The following TASP1 variants were observed in gnomAD, a reference collection of about 807,000 sequenced individuals.
TASP1 encodes the protein threonine aspartase 1.
In TASP1, 16 loss-of-function variants were observed where a neutral mutation model predicts 56.6. That is an observed-to-expected ratio of 0.28 (90% CI 0.19 to 0.43). TASP1 has a LOEUF of 0.43. Ranked by LOEUF, TASP1 falls within the 20% of genes least tolerant of loss-of-function variation. The probability of loss-of-function intolerance (pLI) is 1.00; values close to 1 mark genes in which losing one functional copy is unlikely to be tolerated. For missense variants in TASP1, 393 were observed against 511.6 expected (o/e 0.77, Z 2.24); for synonymous variants, 179 against 184.2 (o/e 0.97, Z 0.23).
At chr20:13,192,757 C>G in the TASP1 span, among the ~76,000 whole-genome samples, 3 of 149,932 alleles carry the variant, frequency 2.0e-5, no homozygotes, top group Non-Finnish European at 4.4e-5. Flanking sequence ...GAGAAAGGGT[C>G]TCACTATGTT....
At chr20:13,303,241 C>T in the TASP1 span, among the ~76,000 whole-genome samples, 1 of 152,228 alleles carries the variant, frequency 6.6e-6, no homozygotes, top group African/African-American at 2.4e-5. Context: ...CCTAACTCAT[C>T]CCAAGGTCTG....
rs74367750 is a variant in TASP1 at position 13,468,879 on chromosome 20, C to G, written c.985+14348G>C. Reference sequence around the variant, plus strand: ...TATGTGTGTGTGTTTTTTTTTTTTGCATGAGATGAAACAAATTCCTTGTAT... The same window carrying G: ...TATGTGTGTGTGTTTTTTTTTTTTGGATGAGATGAAACAAATTCCTTGTAT... On this transcript the variant is annotated intron_variant, in intron 11 of 13. Coordinates refer to ENST00000337743, the MANE Select transcript of TASP1 (RefSeq NM_017714.3). Among the ~76,000 whole-genome samples the G allele has an allele frequency of 6.9e-3, 839 of 121,464 alleles. 7 individuals are homozygous for G. Among genetic ancestry groups the G allele is most frequent in the African/African-American group, 0.021 (762 of 35,880 alleles). 79.7% of individuals were successfully genotyped at this position (121,464 alleles called of 152,430 possible). A position where few individuals can be genotyped will look rare whatever the true frequency, so the allele number is the denominator to read the frequency against.
chr20:13,154,978 C>T, the TASP1 span, among the ~76,000 whole-genome samples: 2 of 151,910 alleles, frequency 1.3e-5, no homozygotes, highest in African/African-American at 2.4e-5. Flanking sequence ...GTCAGGAGTT[C>T]GAGACCAGCC....
At chr20:13,618,643 G>T (rs1263982075) in intron 4 of TASP1, among the ~76,000 whole-genome samples, 3 of 152,010 alleles carry the variant, frequency 2.0e-5, no homozygotes, top group Non-Finnish European at 2.9e-5. Context: ...TAAAAACTTG[G>T]CCCAATATAA....
At chr20:13,268,521 G>A in the TASP1 span, among the ~76,000 whole-genome samples, 1 of 152,176 alleles carries the variant, frequency 6.6e-6, no homozygotes, top group African/African-American at 2.4e-5. Flanking sequence ...TGGCAGAGAG[G>A]TGGCTGGAAA....
At chr20:13,256,507 C>G in the TASP1 span, among the ~76,000 whole-genome samples, 1 of 151,380 alleles carries the variant, frequency 6.6e-6, no homozygotes. Context: ...TCCAGCATGA[C>G]TATTCTCAGG....
At chr20:13,534,895 A>G (rs2045356278) in intron 8 of TASP1, among the ~76,000 whole-genome samples, 1 of 152,222 alleles carries the variant, frequency 6.6e-6, no homozygotes, top group Non-Finnish European at 1.5e-5. Flanking sequence ...ACTACTGGAT[A>G]GAAACAATGA....
In TASP1 at chr20:13,587,727, C is replaced by CA. The variant is rs143107769; in HGVS notation, c.283-358dup. Among the ~76,000 whole-genome samples the CA allele has an allele frequency of 4.5e-3, 660 of 145,572 alleles. 4 individuals carry two copies. Among genetic ancestry groups the CA allele is most frequent in the East Asian group, 0.018 (90 of 4,978 alleles). ...TACAGGGAAAAAAACATGATTGTAT[C>CA]AAAAAAAAAACACAGAAAAAAGGCA... On this transcript the variant is annotated intron_variant, in intron 4 of 13. Coordinates refer to ENST00000337743, the MANE Select transcript of TASP1 (RefSeq NM_017714.3).
chr20:13,298,682 G>A, the TASP1 span, among the ~76,000 whole-genome samples: 2 of 152,162 alleles, frequency 1.3e-5, no homozygotes, highest in African/African-American at 4.8e-5. Context: ...ATAATATAAA[G>A]TGGGGCATTT....
At chr20:13,276,512 T>C in the TASP1 span, among the ~76,000 whole-genome samples, 3 of 152,258 alleles carry the variant, frequency 2.0e-5, no homozygotes, top group Admixed American at 2.0e-4. Context: ...GGGGAGATTG[T>C]GCCAGAAATT....
the TASP1 span, among the ~76,000 whole-genome samples, chr20:13,221,270 T>TCTCCTC: frequency 1.0e-4 from 8 of 78,634 alleles, no homozygotes; most frequent in East Asian, 1.1e-3. Flanking sequence ...TCCTTCTCCT[T>TCTCCTC]CTCCTCCTCC....
the TASP1 span, among the ~76,000 whole-genome samples, chr20:13,203,300 A>G: frequency 7.2e-5 from 11 of 152,204 alleles, no homozygotes; most frequent in African/African-American, 2.7e-4. Flanking sequence ...AGCACAGAGA[A>G]GATTATAAGC....
the TASP1 span, chr20:13,110,151 T>C: frequency 6.2e-7 from 1 of 1,613,590 alleles, no homozygotes; most frequent in African/African-American, 1.3e-5. Context: ...GATGCTGTCA[T>C]CTATGGCCAG....
At chr20:13,213,740 G>C in the TASP1 span, among the ~76,000 whole-genome samples, 2 of 152,120 alleles carry the variant, frequency 1.3e-5, no homozygotes, top group Non-Finnish European at 2.9e-5. Context: ...TCTTGAAATA[G>C]ATTTACCCAC....
chr20:13,250,380 C>G, the TASP1 span, among the ~76,000 whole-genome samples: 2 of 152,122 alleles, frequency 1.3e-5, no homozygotes, highest in Non-Finnish European at 2.9e-5. Context: ...GAATTTCACA[C>G]GTACTGAAGA....
At chr20:13,244,581 T>C in the TASP1 span, among the ~76,000 whole-genome samples, 1 of 152,214 alleles carries the variant, frequency 6.6e-6, no homozygotes, top group Non-Finnish European at 1.5e-5. Context: ...AAGATACTTA[T>C]TTAGCATGAA....
chr20:13,269,399 G>C, the TASP1 span, among the ~76,000 whole-genome samples: 4 of 152,214 alleles, frequency 2.6e-5, no homozygotes, highest in Non-Finnish European at 5.9e-5. Flanking sequence ...GGGAAAAACA[G>C]TGGGCTTGCA....
At chr20:13,611,346 T>C (rs1439308125) in intron 4 of TASP1, among the ~76,000 whole-genome samples, 1 of 152,178 alleles carries the variant, frequency 6.6e-6, no homozygotes, top group Non-Finnish European at 1.5e-5. Context: ...GGTTCAACCT[T>C]ATTTGGGTCA....
chr20:13,413,722 A>T (rs2042164657), intron 13 of TASP1, among the ~76,000 whole-genome samples: 1 of 152,214 alleles, frequency 6.6e-6, no homozygotes, highest in East Asian at 1.9e-4. Context: ...CATTTAAAAA[A>T]TTTTTAATTT....
Sources: gnomAD v4.1 joint callset for allele counts (sites outside exome capture counted in the v4.1 genomes callset) on GRCh38, gnomAD v4.1.1 for gene constraint, MANE v1.5 for transcripts, NCBI Gene and HGNC (gene_info 2026-07-23, HGNC 2026-07-21) for gene names.